Variants in MSI1 observed in about 807,000 individuals in gnomAD.
MSI1 encodes the protein RNA-binding protein Musashi homolog 1.
MSI1 carries 15 observed loss-of-function variants against 54.4 expected under a neutral mutation model. That is an observed-to-expected ratio of 0.28 (90% CI 0.18 to 0.42). The LOEUF is 0.42. Among genes scored for constraint, MSI1 ranks in the 20% least tolerant of loss-of-function variants. The probability of loss-of-function intolerance (pLI) is 1.00; values close to 1 mark genes in which losing one functional copy is unlikely to be tolerated. For missense variants in MSI1, 304 were observed against 506.0 expected (o/e 0.60, Z 3.83); for synonymous variants, 200 against 196.5 (o/e 1.02, Z -0.15).
In MSI1 at chr12:120,367,401, G is replaced by A. The variant is rs75404276; in HGVS notation, c.267+607C>T. Among the ~76,000 whole-genome samples the A allele has an allele frequency of 5.6e-3, 852 of 152,320 alleles. 12 individuals carry two copies. Among genetic ancestry groups the A allele is most frequent in the African/African-American group, 0.02 (823 of 41,562 alleles). On this transcript the variant is annotated intron_variant, in intron 4 of 14. Transcript: ENST00000257552. ...TTCCATGAGTTTGAATGCCAACCAAGCAGCTTCTCCTAAGATCTAGTCTTC... is the reference window on the plus strand; with the variant it reads ...TTCCATGAGTTTGAATGCCAACCAAACAGCTTCTCCTAAGATCTAGTCTTC...
chr12:120,363,664 C>G (rs530754662), intron 5 of MSI1, among the ~76,000 whole-genome samples: 1 of 152,344 alleles, frequency 6.6e-6, no homozygotes, highest in South Asian at 2.1e-4. Flanking sequence ...CATCCTAACA[C>G]TAAAGCACCT....
At chr12:120,358,497 T>C in intron 7 of MSI1, among the ~76,000 whole-genome samples, 1 of 152,240 alleles carries the variant, frequency 6.6e-6, no homozygotes, top group Non-Finnish European at 1.5e-5. Flanking sequence ...TGTCTCCTCC[T>C]GGGTGTGCCC....
rs1876187214 is a variant in MSI1 at position 120,368,683 on chromosome 12, G to T, written c.100+150C>A. ...CGGGTGCGCTCGCGGATCGCCCTGC[G>T]CTCTCGGGGTCTCCGGGCGGGGCGC... On this transcript the variant is annotated intron_variant, in intron 2 of 14. Coordinates refer to ENST00000257552, the MANE Select transcript of MSI1 (RefSeq NM_002442.4). This position sits in a 1 kb window ranked among gnomAD's most constrained non-coding sequence, Gnocchi z 6.6. 3 of 653,442 alleles carry T rather than the reference G, an allele frequency of 4.6e-6. No homozygotes were observed. The highest frequency in any genetic ancestry group is 5.2e-4 in the Middle Eastern group (1 of 1,924). 40.5% of individuals were successfully genotyped at this position (653,442 alleles called of 1,614,324 possible). A position where few individuals can be genotyped will look rare whatever the true frequency, so the allele number is the denominator to read the frequency against.
chr12:120,346,036 T>C (rs201225670), intron 13 of MSI1, 99 bp downstream of exon 13: 1 of 1,096,998 alleles, frequency 9.1e-7, no homozygotes, highest in Non-Finnish European at 1.3e-6. Flanking sequence ...CTCACCCTCC[T>C]TTTGCCCCCA....
intron 4 of MSI1, 109 bp downstream of exon 4, chr12:120,367,899 C>T (rs988419164): frequency 3.1e-5 from 35 of 1,128,746 alleles, no homozygotes; most frequent in Non-Finnish European, 4.0e-5. Context: ...AGAAAAACTC[C>T]CTCCTTCCTC....
At chr12:120,347,944 C>T (rs997975666) in intron 11 of MSI1, among the ~76,000 whole-genome samples, 2 of 152,334 alleles carry the variant, frequency 1.3e-5, no homozygotes, top group African/African-American at 2.4e-5. Context: ...GCCCACGACA[C>T]CTGGCGATAG....
At chr12:120,362,895 G>C (rs898282323) in intron 6 of MSI1, 148 bp downstream of exon 6, 1 of 671,976 alleles carries the variant, frequency 1.5e-6, no homozygotes. Context: ...CTGCAAGGTG[G>C]ATTGGCCTGG....
Position 120,364,771 on chromosome 12 carries a change from G to A in MSI1, c.268-16C>T, listed in dbSNP as rs765638900. On this transcript the variant is annotated splice_polypyrimidine_tract_variant and intron_variant, in intron 4 of 14. Transcript: ENST00000257552. ...TAGGGTCAATCTACAAGAAAAGGGA[G>A]AGGTAGAAGGGGTCTTGGTTATCGC... The A allele has an allele frequency of 5.0e-6, 8 of 1,596,934 alleles. No homozygotes were observed. The highest frequency in any genetic ancestry group is 1.3e-5 in the African/African-American group (1 of 74,360).
rs1234074793 is a variant in MSI1 at position 120,347,526 on chromosome 12, GGGAT to G, written c.791-16_791-13del. 6.2e-7 allele frequency: 1 copy of G among 1,614,084 alleles called. No homozygotes were observed. Among genetic ancestry groups the G allele is most frequent in the South Asian group, 1.1e-5 (1 of 91,084 alleles). On this transcript the variant is annotated splice_polypyrimidine_tract_variant and intron_variant, in intron 11 of 14. Transcript: ENST00000257552. ...AGTGAGAGGAATGGCTGAAAGGAAA[GGGAT>G]GGGCACATCAGCATGGCGGTGAGGG...
chr12:120,346,381 C>T, intron 12 of MSI1, 59 bp from the exon 13 acceptor site: 1 of 1,428,120 alleles, frequency 7.0e-7, no homozygotes, highest in South Asian at 1.5e-5. Context: ...CCCACGGCAC[C>T]CCCTCAAGCC....
intron 9 of MSI1, among the ~76,000 whole-genome samples, chr12:120,356,659 A>G (rs746296541): frequency 2.6e-4 from 39 of 152,212 alleles, no homozygotes; most frequent in Non-Finnish European, 4.4e-4. Context: ...GGACAGATTG[A>G]CAGGACCAAT....
chr12:120,354,461 C>T, intron 9 of MSI1, among the ~76,000 whole-genome samples: 1 of 149,986 alleles, frequency 6.7e-6, no homozygotes, highest in African/African-American at 2.5e-5. Flanking sequence ...GATGGAGTTT[C>T]ACTCTTGTTC....
At chr12:120,352,160 G>A (rs1874671485) in intron 10 of MSI1, among the ~76,000 whole-genome samples, 1 of 152,002 alleles carries the variant, frequency 6.6e-6, no homozygotes, top group African/African-American at 2.4e-5. Flanking sequence ...TGGGACCACA[G>A]GCACACAACA....
chr12:120,368,902 C>A lies in MSI1; in HGVS notation c.60-29G>T, dbSNP rs1224729104. On this transcript the variant is annotated intron_variant, in intron 1 of 14. Transcript: ENST00000257552. The surrounding 1 kb of genome is among the most constrained non-coding windows in gnomAD (Gnocchi z 6.6). ...CGGGAGGAGGAGAGACACAAAGGGC[C>A]CGCGTGAGCGCCGGGCGCCAGGGCG... The A allele has an allele frequency of 1.4e-6, 2 of 1,397,716 alleles. No individual in the cohort carries two copies. The highest frequency in any genetic ancestry group is 9.4e-7 in the Non-Finnish European group (1 of 1,059,718). The allele number at this position is 1,397,716 out of a possible 1,614,324, so 86.6% of individuals were successfully genotyped here. A position where few individuals can be genotyped will look rare whatever the true frequency, so the allele number is the denominator to read the frequency against.
At chr12:120,352,682 T>G (rs1639420865) in intron 10 of MSI1, among the ~76,000 whole-genome samples, 1 of 151,320 alleles carries the variant, frequency 6.6e-6, no homozygotes. Flanking sequence ...CCCAAGTAAA[T>G]AAATAAATAA....
At chr12:120,350,263 G>A (rs1874481417) in intron 11 of MSI1, among the ~76,000 whole-genome samples, 1 of 152,172 alleles carries the variant, frequency 6.6e-6, no homozygotes, top group Non-Finnish European at 1.5e-5. Flanking sequence ...CTGGCCTCAA[G>A]GGATACTCCT....
chr12:120,364,329 G>A (rs1003828104), intron 5 of MSI1, among the ~76,000 whole-genome samples: 2 of 152,252 alleles, frequency 1.3e-5, no homozygotes, highest in African/African-American at 2.4e-5. Context: ...TGCCTGTAGC[G>A]CGGCCTTAGG....
intron 9 of MSI1, among the ~76,000 whole-genome samples, chr12:120,355,202 A>G (rs547857153): frequency 4.0e-5 from 6 of 151,718 alleles, no homozygotes; most frequent in South Asian, 2.1e-4. Flanking sequence ...TCAGGAGATC[A>G]AGACCATCCT....
chr12:120,361,761 G>A (rs1213264818), intron 6 of MSI1, among the ~76,000 whole-genome samples: 1 of 151,504 alleles, frequency 6.6e-6, no homozygotes, highest in African/African-American at 2.4e-5. Context: ...GGCATTCCCG[G>A]CTGTCCCCCT....
Sources: allele counts gnomAD v4.1 joint callset (sites outside exome capture counted in the v4.1 genomes callset), GRCh38; gene constraint gnomAD v4.1.1; non-coding constraint Gnocchi (gnomAD v3.1); transcripts MANE v1.5; gene names NCBI Gene and HGNC (gene_info 2026-07-23, HGNC 2026-07-21).